DOK6: variants seen among roughly 807,000 people sequenced by gnomAD.
DOK6 encodes docking protein 6, also known as downstream of tyrosine kinase 6.
Under a neutral mutation model 44.0 loss-of-function variants are expected in DOK6, and 22 were observed. The observed-to-expected ratio is 0.50, with a 90% CI of 0.36 to 0.71. DOK6 has a LOEUF of 0.71. Among genes scored for constraint, DOK6 ranks in the 30% least tolerant of loss-of-function variants. The pLI, the probability that DOK6 is intolerant of heterozygous loss-of-function variation, is 0.00. For missense variants in DOK6, 340 were observed against 416.4 expected, an observed-to-expected ratio of 0.82 and a Z score of 1.60; for synonymous variants, 166 against 145.5, an observed-to-expected ratio of 1.14 and a Z score of -1.01.
At chr18:69,758,473 TAGC>T (rs939016281) in intron 7 of DOK6, among the ~76,000 whole-genome samples, 3 of 76,292 alleles carry the variant, frequency 3.9e-5, no homozygotes, top group Admixed American at 1.3e-4. Flanking sequence ...AATTAATAGC[TAGC>T]AGATTTTTTT....
chr18:69,562,096 A>G (rs1982847694), intron 1 of DOK6, among the ~76,000 whole-genome samples: 1 of 152,170 alleles, frequency 6.6e-6, no homozygotes, highest in African/African-American at 2.4e-5. Context: ...GCATTTTTAG[A>G]CTTCTTCAAT....
chr18:69,823,296 G>T lies in DOK6; in HGVS notation c.857-17948G>T, dbSNP rs571885359. Among the ~76,000 whole-genome samples, 9 of 152,238 alleles carry T rather than the reference G, an allele frequency of 5.9e-5. No homozygotes were observed. In the South Asian group the frequency reaches 1.7e-3, roughly 28 times the overall value. ...AGAGATGAAATAGAGGTATGCAGAG[G>T]ATGCTAACAGACAGAGTGAAGTGGC... is the stretch of plus-strand genomic sequence containing the variant. On this transcript the variant is annotated intron_variant, in intron 7 of 7. Coordinates refer to ENST00000382713, the MANE Select transcript of DOK6 (RefSeq NM_152721.6).
At chr18:69,766,575 G>T (rs1447708734) in intron 7 of DOK6, among the ~76,000 whole-genome samples, 1 of 152,098 alleles carries the variant, frequency 6.6e-6, no homozygotes, top group Non-Finnish European at 1.5e-5. Context: ...AAGTAAGCTA[G>T]AGAAAAGAAA....
At chr18:69,720,865 T>C (rs1037598943) in intron 5 of DOK6, among the ~76,000 whole-genome samples, 1 of 152,118 alleles carries the variant, frequency 6.6e-6, no homozygotes, top group Non-Finnish European at 1.5e-5. Context: ...CTTTAAAATC[T>C]AAAGAGATGA....
Position 69,784,234 on chromosome 18 carries a change from C to T in DOK6, c.856+26361C>T, listed in dbSNP as rs143975823. On this transcript the variant is annotated intron_variant, in intron 7 of 7. Transcript: ENST00000382713. ...TTCCACCCTTTTGTTAATATCATTA[C>T]CATCATAACGGATTACAAGTTAATT... Among the ~76,000 whole-genome samples the T allele has an allele frequency of 2.3e-3, 351 of 152,088 alleles. 1 individual carries two copies. The highest frequency in any genetic ancestry group is 8.0e-3 in the African/African-American group (333 of 41,490).
rs199634852 is a variant in DOK6, at chr18:69,416,160, A to G, written c.66+14850A>G. 4.6e-3 allele frequency among the ~76,000 whole-genome samples: 117 copies of G among 25,620 alleles called. 1 individual carries two copies. The highest frequency in any genetic ancestry group is 0.013 in the African/African-American group (99 of 7,354). The allele number at this position is 25,620 out of a possible 152,430, so 16.8% of individuals were successfully genotyped here. A position where few individuals can be genotyped will look rare whatever the true frequency, so the allele number is the denominator to read the frequency against. Reference sequence around the variant, plus strand: ...AGGGAGGGACGGAGGGAGGGAGGGAAGGAAGGAAGGAAGGAAGGAACGAAG... The same window carrying G: ...AGGGAGGGACGGAGGGAGGGAGGGAGGGAAGGAAGGAAGGAAGGAACGAAG... On this transcript the variant is annotated intron_variant, in intron 1 of 7. Coordinates refer to ENST00000382713, the MANE Select transcript of DOK6 (RefSeq NM_152721.6).
At chr18:69,753,497 C>T (rs192843165) in intron 6 of DOK6, among the ~76,000 whole-genome samples, 16 of 152,286 alleles carry the variant, frequency 1.1e-4, no homozygotes, top group African/African-American at 3.8e-4. Flanking sequence ...TAACTACTCT[C>T]CAGGCTTATT....
At chr18:69,811,524 T>TTATATACA (rs1981225751) in intron 7 of DOK6, among the ~76,000 whole-genome samples, 18 of 93,754 alleles carry the variant, frequency 1.9e-4, no homozygotes, top group African/African-American at 6.9e-4. Context: ...AACCATTCCA[T>TTATATACA]TATATATATA....
At chr18:69,441,103 G>A (rs1351312954) in intron 1 of DOK6, among the ~76,000 whole-genome samples, 1 of 152,032 alleles carries the variant, frequency 6.6e-6, no homozygotes, top group East Asian at 1.9e-4. Flanking sequence ...GTGTGTGTGT[G>A]TATGGTTTTG....
intron 1 of DOK6, among the ~76,000 whole-genome samples, chr18:69,509,292 C>T (rs1981281378): frequency 6.6e-6 from 1 of 152,182 alleles, no homozygotes; most frequent in Non-Finnish European, 1.5e-5. Context: ...AATTCAACCA[C>T]CTTTCAAAAT....
chr18:69,438,556 GAT>G (rs1258607596), intron 1 of DOK6, among the ~76,000 whole-genome samples: 1 of 152,110 alleles, frequency 6.6e-6, no homozygotes, highest in Non-Finnish European at 1.5e-5. Flanking sequence ...TGTTAATGTG[GAT>G]ATTTTGACCT....
intron 1 of DOK6, among the ~76,000 whole-genome samples, chr18:69,497,649 A>G (rs1451779959): frequency 6.6e-6 from 1 of 152,208 alleles, no homozygotes; most frequent in East Asian, 1.9e-4. Context: ...TTGGAAATAG[A>G]AGATACTAAA....
rs1599165895 is a variant in DOK6, at chr18:69,510,447, A to G, written c.67-54040A>G. On this transcript the variant is annotated intron_variant, in intron 1 of 7. Transcript: ENST00000382713. ...CTTCTTTACTAATTGCCTTTAAGACACTCATGCCCAGTATTTTTTAAAAGT... is the reference window on the plus strand; with the variant it reads ...CTTCTTTACTAATTGCCTTTAAGACGCTCATGCCCAGTATTTTTTAAAAGT... Among the ~76,000 whole-genome samples, 7 of 152,226 alleles carry G rather than the reference A, an allele frequency of 4.6e-5. 1 individual carries two copies. The South Asian group carries it at 1.4e-3, about 32-fold the overall frequency.
intron 1 of DOK6, among the ~76,000 whole-genome samples, chr18:69,439,442 A>AT (rs1979076590): frequency 6.6e-6 from 1 of 152,228 alleles, no homozygotes; most frequent in African/African-American, 2.4e-5. Flanking sequence ...TAGATATGAA[A>AT]GTCCTGAATG....
intron 3 of DOK6, among the ~76,000 whole-genome samples, chr18:69,601,581 G>A (rs1235732265): frequency 5.3e-5 from 8 of 152,184 alleles, no homozygotes; most frequent in Non-Finnish European, 1.5e-5. Flanking sequence ...CTCCCAACCA[G>A]GGGCTGGAGT....
chr18:69,494,499 A>T (rs1404652784), intron 1 of DOK6, among the ~76,000 whole-genome samples: 1 of 152,084 alleles, frequency 6.6e-6, no homozygotes, highest in Non-Finnish European at 1.5e-5. Flanking sequence ...ACAAAAAAAA[A>T]GTTTTACTAC....
At chr18:69,636,930 G>T (rs1984823228) in intron 3 of DOK6, among the ~76,000 whole-genome samples, 1 of 152,228 alleles carries the variant, frequency 6.6e-6, no homozygotes, top group Non-Finnish European at 1.5e-5. Context: ...AGTAAATGAG[G>T]TGAGTTGACT....
At chr18:69,647,609 C>T (rs971933477) in intron 3 of DOK6, 1 of 152,128 alleles carries the variant, frequency 6.6e-6, no homozygotes, top group Non-Finnish European at 1.5e-5. Context: ...ATGTACTGTG[C>T]CCTTGTTTCT....
chr18:69,440,166 A>G (rs1979096216), intron 1 of DOK6, among the ~76,000 whole-genome samples: 1 of 152,206 alleles, frequency 6.6e-6, no homozygotes, highest in Non-Finnish European at 1.5e-5. Context: ...TGACATCAGA[A>G]CACACACAAC....
Sources: allele counts gnomAD v4.1 joint callset (sites outside exome capture counted in the v4.1 genomes callset), GRCh38; gene constraint gnomAD v4.1.1; transcripts MANE v1.5; gene names NCBI Gene and HGNC (gene_info 2026-07-23, HGNC 2026-07-21).